Variants in ZNF487 observed in about 807,000 individuals in gnomAD.
ZNF487 encodes KRAB domain only 1.
ZNF487 carries 4 observed loss-of-function variants against 3.0 expected under a neutral mutation model. The ratio of observed to expected loss-of-function variants is 1.35; its 90% CI spans 0.66 to 3.08. ZNF487 has a LOEUF of 3.08. Ranked by LOEUF, ZNF487 falls within the 30% of genes most tolerant of loss-of-function variation. The pLI, the probability that ZNF487 is intolerant of heterozygous loss-of-function variation, is 0.01. For missense variants in ZNF487, 146 were observed against 98.7 expected (o/e 1.48, Z -2.03); for synonymous variants, 55 against 34.6 (o/e 1.59, Z -2.06).
chr10:43,511,361 G>A, the ZNF487 span, among the ~76,000 whole-genome samples: 8 of 152,204 alleles, frequency 5.3e-5, no homozygotes, highest in Non-Finnish European at 7.3e-5. Flanking sequence ...TAGAGGACGT[G>A]CTGTGTGGAA....
the ZNF487 span, among the ~76,000 whole-genome samples, chr10:43,490,016 AG>A: frequency 6.6e-6 from 1 of 152,344 alleles, no homozygotes; most frequent in East Asian, 1.9e-4. Context: ...ACTATAGACA[AG>A]AAACTCATAT....
chr10:43,465,704 C>G (rs1044277067), intron 1 of ZNF487, among the ~76,000 whole-genome samples: 1 of 148,466 alleles, frequency 6.7e-6, no homozygotes, highest in Non-Finnish European at 1.5e-5. Context: ...ACTTTCCAGA[C>G]TGGGCAGCCA....
chr10:43,517,515 T>C, the ZNF487 span, among the ~76,000 whole-genome samples: 3 of 152,314 alleles, frequency 2.0e-5, no homozygotes, highest in East Asian at 3.9e-4. Flanking sequence ...TCATAACTCA[T>C]GGTGGCCACA....
At chr10:43,450,908 G>T (rs1434277832) in intron 1 of ZNF487, among the ~76,000 whole-genome samples, 1 of 152,038 alleles carries the variant, frequency 6.6e-6, no homozygotes, top group Non-Finnish European at 1.5e-5. Flanking sequence ...TTGGAGCCAC[G>T]TTGTAAACTT....
At chr10:43,506,749 C>T in the ZNF487 span, among the ~76,000 whole-genome samples, 1 of 152,048 alleles carries the variant, frequency 6.6e-6, no homozygotes, top group African/African-American at 2.4e-5. Context: ...TCTCCTGGGC[C>T]GTAAGTACAA....
chr10:43,437,853 T>C (rs774081623), intron 1 of ZNF487, among the ~76,000 whole-genome samples: 17 of 152,130 alleles, frequency 1.1e-4, no homozygotes, highest in Non-Finnish European at 1.2e-4. Flanking sequence ...AAATATTTAT[T>C]TATTTATTTA....
intron 1 of ZNF487, among the ~76,000 whole-genome samples, chr10:43,455,539 C>T (rs1272872745): frequency 1.3e-5 from 2 of 152,250 alleles, no homozygotes; most frequent in African/African-American, 2.4e-5. Flanking sequence ...CTGACGCGCC[C>T]CTTCCCGGCT....
At chr10:43,489,129 C>T in the ZNF487 span, among the ~76,000 whole-genome samples, 1 of 151,924 alleles carries the variant, frequency 6.6e-6, no homozygotes, top group Admixed American at 6.6e-5. Flanking sequence ...AAAACACTCC[C>T]CAACTTCTTG....
At chr10:43,443,377 TG>T (rs1294853212) in intron 1 of ZNF487, among the ~76,000 whole-genome samples, 3 of 148,750 alleles carry the variant, frequency 2.0e-5, no homozygotes, top group African/African-American at 2.5e-5. Flanking sequence ...TTTTTGTTTT[TG>T]TTTTTTTTTT....
At position 43,482,741 on chromosome 10, in the gene ZNF487, A is replaced by G; in HGVS notation, c.*819A>G. On this transcript the variant is annotated 3_prime_UTR_variant, in exon 4 of 4. Coordinates refer to ENST00000437590, the MANE Select transcript of ZNF487 (RefSeq NM_001355444.3). ...ATCAGTGAACTCACACAGGAGAGAGACCCTTTGAATGCAATGAATGTCAAA... is the reference window on the plus strand; with the variant it reads ...ATCAGTGAACTCACACAGGAGAGAGGCCCTTTGAATGCAATGAATGTCAAA... 3 of 464,414 alleles carry G rather than the reference A, an allele frequency of 6.5e-6. No individual in the cohort carries two copies. Among genetic ancestry groups the G allele is most frequent in the South Asian group, 5.0e-5 (3 of 60,182 alleles). 28.8% of individuals were successfully genotyped at this position (464,414 alleles called of 1,614,324 possible).
At chr10:43,519,264 C>T in the ZNF487 span, among the ~76,000 whole-genome samples, 7 of 151,972 alleles carry the variant, frequency 4.6e-5, no homozygotes, top group South Asian at 2.1e-4. Flanking sequence ...TATAAAGTGT[C>T]TTCAAAATAC....
the ZNF487 span, chr10:43,523,313 G>A: frequency 6.6e-6 from 1 of 152,272 alleles, no homozygotes; most frequent in Non-Finnish European, 1.5e-5. Flanking sequence ...AGCTGGTTTT[G>A]TCAACAACAA....
Position 43,481,457 on chromosome 10 carries a change from G to A in ZNF487, c.159G>A (p.Glu53=). ...LDCCIDDDLM[E]KRQENQDQHL... is the part of the protein sequence containing the mutation. ...GCTGCATAGATGATGACCTGATGGA[G>A]AAGAGACAGGAAAATCAAGACCAGC... Residue 53 remains glutamate (E), a synonymous_variant, in exon 4 of 4, where the codon GAG becomes GAA. Transcript: ENST00000437590. The A allele has an allele frequency of 1.4e-6, 1 of 716,692 alleles. No individual in the cohort carries two copies. The highest frequency in any genetic ancestry group is 2.6e-6 in the Non-Finnish European group (1 of 384,924). The allele number at this position is 716,692 out of a possible 1,614,324, so 44.4% of individuals were successfully genotyped here.
At chr10:43,471,721 T>G (rs1158887783) in intron 1 of ZNF487, among the ~76,000 whole-genome samples, 1 of 152,140 alleles carries the variant, frequency 6.6e-6, no homozygotes, top group Non-Finnish European at 1.5e-5. Flanking sequence ...GAAGTCAAAT[T>G]GTCTCTCTCT....
At chr10:43,522,933 C>T in the ZNF487 span, among the ~76,000 whole-genome samples, 61 of 152,180 alleles carry the variant, frequency 4.0e-4, no homozygotes, top group Middle Eastern at 3.4e-3. Context: ...TCAATGCTTT[C>T]GATGATTCCC....
At chr10:43,512,175 A>G in the ZNF487 span, among the ~76,000 whole-genome samples, 3 of 152,336 alleles carry the variant, frequency 2.0e-5, no homozygotes, top group East Asian at 3.9e-4. Context: ...GTGCAGAATC[A>G]TCTGTGAACC....
chr10:43,511,359 G>A, the ZNF487 span, among the ~76,000 whole-genome samples: 110,501 of 152,036 alleles, frequency 0.73, 41,495 homozygotes, highest in East Asian at 0.93. Flanking sequence ...GTTAGAGGAC[G>A]TGCTGTGTGG....
intron 1 of ZNF487, among the ~76,000 whole-genome samples, chr10:43,450,044 G>A (rs976178902): frequency 6.6e-6 from 1 of 151,798 alleles, no homozygotes; most frequent in Non-Finnish European, 1.5e-5. Context: ...TCAGTTATTG[G>A]AAAACTTTTT....
At chr10:43,446,200 C>T (rs1839792002) in intron 1 of ZNF487, among the ~76,000 whole-genome samples, 1 of 152,238 alleles carries the variant, frequency 6.6e-6, no homozygotes, top group Non-Finnish European at 1.5e-5. Context: ...GGGTACACCT[C>T]CCAGACGGGG....
Sources: allele counts gnomAD v4.1 joint callset (sites outside exome capture counted in the v4.1 genomes callset), GRCh38; gene constraint gnomAD v4.1.1; transcripts MANE v1.5; gene names NCBI Gene and HGNC (gene_info 2026-07-23, HGNC 2026-07-21).